GRIK4: variants seen among roughly 807,000 people sequenced by gnomAD.
GRIK4 encodes the protein glutamate receptor ionotropic, kainate 4.
GRIK4 carries 40 observed loss-of-function variants against 104.9 expected under a neutral mutation model. That is an observed-to-expected ratio of 0.38 (90% confidence interval 0.30 to 0.50). The LOEUF (loss-of-function observed/expected upper bound fraction) is 0.50. Ranked by LOEUF, GRIK4 falls within the 20% of genes least tolerant of loss-of-function variation. GRIK4 has a pLI of 0.93. For synonymous variants in GRIK4, 485 were observed against 524.9 expected (o/e 0.92, Z 1.04); for missense variants, 1,047 against 1,308.1 (o/e 0.80, Z 3.08).
chr11:120,844,129 C>T (rs942952583), intron 8 of GRIK4, among the ~76,000 whole-genome samples: 2 of 152,066 alleles, frequency 1.3e-5, no homozygotes, highest in Non-Finnish European at 2.9e-5. Flanking sequence ...AAAATTATTA[C>T]AGAAAGGGGA....
intron 1 of GRIK4, among the ~76,000 whole-genome samples, chr11:120,634,646 G>C (rs1215614716): frequency 6.6e-6 from 1 of 152,164 alleles, no homozygotes; most frequent in Non-Finnish European, 1.5e-5. Flanking sequence ...TGGGAGACTT[G>C]TTGCTCTGTC....
At chr11:120,552,886 G>A (rs2508655) in intron 1 of GRIK4, among the ~76,000 whole-genome samples, 1 of 151,558 alleles carries the variant, frequency 6.6e-6, no homozygotes, top group Admixed American at 6.6e-5. Context: ...TGTAATCCCA[G>A]CTACTCGGGA....
At position 120,746,989 on chromosome 11, in the gene GRIK4, G is replaced by A. The variant is rs990199057; in HGVS notation, c.83-55704G>A. 3.9e-5 allele frequency among the ~76,000 whole-genome samples: 6 copies of A among 152,298 alleles called. No individual in the cohort carries two copies. The South Asian group carries it at 6.2e-4, about 16-fold the overall frequency. ...CCACATCCCCTTCTGAGCCAGGGACGATGGGCTTGCTCTAAGAATGAAATG... is the reference window on the plus strand; with the variant it reads ...CCACATCCCCTTCTGAGCCAGGGACAATGGGCTTGCTCTAAGAATGAAATG... On this transcript the variant is annotated intron_variant, in intron 3 of 20. Coordinates refer to ENST00000527524, the MANE Select transcript of GRIK4 (RefSeq NM_014619.5).
chr11:120,766,949 G>T (rs922792551), intron 3 of GRIK4, among the ~76,000 whole-genome samples: 1 of 152,058 alleles, frequency 6.6e-6, no homozygotes, highest in Non-Finnish European at 1.5e-5. Context: ...CCATTTGTCT[G>T]CCAATGGATA....
At chr11:120,837,434 T>C (rs947368279) in intron 8 of GRIK4, among the ~76,000 whole-genome samples, 2 of 152,334 alleles carry the variant, frequency 1.3e-5, no homozygotes, top group Admixed American at 1.3e-4. Context: ...AGCCTTCTCT[T>C]GAACTTGAGT....
At chr11:120,630,015 G>A (rs1407338260) in intron 1 of GRIK4, among the ~76,000 whole-genome samples, 2 of 152,234 alleles carry the variant, frequency 1.3e-5, no homozygotes, top group Non-Finnish European at 2.9e-5. Context: ...TTGTGTGTGG[G>A]GGAGAGAGGG....
intron 1 of GRIK4, chr11:120,514,989 T>A: frequency 2.2e-6 from 1 of 456,642 alleles, no homozygotes; most frequent in East Asian, 7.0e-5. Flanking sequence ...TTACAGAGGG[T>A]AACGCTTCTC....
At chr11:120,578,870 A>G (rs1345175228) in intron 1 of GRIK4, among the ~76,000 whole-genome samples, 1 of 152,140 alleles carries the variant, frequency 6.6e-6, no homozygotes, top group African/African-American at 2.4e-5. Flanking sequence ...GAGGGTTGCA[A>G]CTGTCTCCAG....
At chr11:120,620,103 G>A (rs531221565) in intron 1 of GRIK4, 131 of 750,796 alleles carry the variant, frequency 1.7e-4, no homozygotes, top group African/African-American at 1.3e-3. Flanking sequence ...CATTGGTTTC[G>A]TTCTCAGCAA....
intron 3 of GRIK4, among the ~76,000 whole-genome samples, chr11:120,782,498 G>A (rs1233527520): frequency 6.6e-6 from 1 of 152,080 alleles, no homozygotes; most frequent in Non-Finnish European, 1.5e-5. Flanking sequence ...TGTTAGCCAG[G>A]ATGGTCTCGA....
intron 3 of GRIK4, among the ~76,000 whole-genome samples, chr11:120,730,799 C>T (rs1207610583): frequency 6.6e-6 from 1 of 151,956 alleles, no homozygotes; most frequent in Non-Finnish European, 1.5e-5. Flanking sequence ...TAAATTAATT[C>T]ATAGGTATTT....
chr11:120,743,186 C>T (rs958398170), intron 3 of GRIK4, among the ~76,000 whole-genome samples: 9 of 149,642 alleles, frequency 6.0e-5, no homozygotes, highest in Middle Eastern at 3.4e-3. Flanking sequence ...GCAGAGATGA[C>T]GCCACTGCAC....
At chr11:120,899,756 ACTAAT>A (rs916810812) in intron 12 of GRIK4, among the ~76,000 whole-genome samples, 3 of 152,132 alleles carry the variant, frequency 2.0e-5, no homozygotes, top group African/African-American at 7.2e-5. Flanking sequence ...CCCCCTTTTA[ACTAAT>A]CTAAAGCACT....
chr11:120,571,889 C>T (rs1457937718), intron 1 of GRIK4, among the ~76,000 whole-genome samples: 1 of 152,178 alleles, frequency 6.6e-6, no homozygotes, highest in Non-Finnish European at 1.5e-5. Flanking sequence ...AGGAGTGAGG[C>T]CATTACTGTG....
chr11:120,709,961 G>A (rs1282473832), intron 3 of GRIK4, among the ~76,000 whole-genome samples: 2 of 152,288 alleles, frequency 1.3e-5, no homozygotes, highest in East Asian at 1.9e-4. Flanking sequence ...AGTAGCTAAC[G>A]CAGGCGAGGG....
In GRIK4 at chr11:120,511,825, C is replaced by T; in HGVS notation, c.-221C>T. On this transcript the variant is annotated 5_prime_UTR_variant, in exon 1 of 21. Transcript: ENST00000527524. Reference sequence around the variant, plus strand: ...GAAGAGGAAAAACGGCCAACAGCAGCCCCGCGGCCGGCCCGGCAGCGCCCG... The same window carrying T: ...GAAGAGGAAAAACGGCCAACAGCAGTCCCGCGGCCGGCCCGGCAGCGCCCG... 3 of 359,328 alleles carry T rather than the reference C, an allele frequency of 8.3e-6. No homozygotes were observed. Among genetic ancestry groups the T allele is most frequent in the Non-Finnish European group, 1.7e-5 (3 of 177,062 alleles). 22.3% of individuals were successfully genotyped at this position (359,328 alleles called of 1,614,324 possible). A position where few individuals can be genotyped will look rare whatever the true frequency, so the allele number is the denominator to read the frequency against.
intron 3 of GRIK4, among the ~76,000 whole-genome samples, chr11:120,731,251 T>C (rs1565319719): frequency 1.3e-5 from 2 of 151,358 alleles, no homozygotes. Flanking sequence ...TATACCTGTT[T>C]TTTTTTAGTT....
chr11:120,608,278 G>A (rs1296861911), intron 1 of GRIK4, among the ~76,000 whole-genome samples: 1 of 152,198 alleles, frequency 6.6e-6, no homozygotes, highest in East Asian at 1.9e-4. Flanking sequence ...CTTGAGTCCA[G>A]GAGTTTGAGA....
chr11:120,808,733 G>A (rs952050279), intron 4 of GRIK4, among the ~76,000 whole-genome samples: 1 of 152,202 alleles, frequency 6.6e-6, no homozygotes, highest in African/African-American at 2.4e-5. Context: ...TGAGGCAATT[G>A]TTTGCCTTGC....
Sources: gnomAD v4.1 joint callset for allele counts (sites outside exome capture counted in the v4.1 genomes callset) on GRCh38, gnomAD v4.1.1 for gene constraint, MANE v1.5 for transcripts, NCBI Gene and HGNC (gene_info 2026-07-23, HGNC 2026-07-21) for gene names.